VSIG4: variants seen among roughly 807,000 people sequenced by gnomAD.
The protein encoded by VSIG4 is V-set and immunoglobulin domain-containing protein 4.
Under a neutral mutation model 23.4 loss-of-function variants are expected in VSIG4, and 34 were observed. That is an observed-to-expected ratio of 1.45 (90% CI 1.10 to 1.93). The LOEUF (loss-of-function observed/expected upper bound fraction) is 1.93, where lower values mean the gene tolerates loss of function less well. Among genes scored for constraint, VSIG4 ranks in the 30% most tolerant of loss-of-function variants. The pLI, the probability that VSIG4 is intolerant of heterozygous loss-of-function variation, is 0.00. For synonymous variants in VSIG4, 169 were observed against 120.3 expected, an observed-to-expected ratio of 1.41 and a Z score of -2.65; for missense variants, 433 against 310.8, an observed-to-expected ratio of 1.39 and a Z score of -2.96.
intron 1 of VSIG4, among the ~76,000 whole-genome samples, chrX:66,039,080 C>T (rs1251921543): frequency 8.9e-6 from 1 of 111,951 alleles, no homozygotes; most frequent in African/African-American, 3.2e-5. Flanking sequence ...ATAGTCCATC[C>T]TCCTTTGGGA....
Position 66,032,656 on chromosome X carries a change from C to T in VSIG4, c.506G>A (p.Gly169Asp), listed in dbSNP as rs1450652276. ...MRISLQCQAR[G>D]SPPISYIWYK... ...CCAAATATAACTGATGGGAGGAGAA[C>T]CCCGAGCCTGGCATTGAAGGCTAAT... is the stretch of plus-strand genomic sequence containing the variant. The change falls in exon 3 of 8, where the codon GGT becomes GAT. Residue 169 changes from glycine to aspartate, a missense_variant. Transcript: ENST00000374737. 1.7e-6 allele frequency: 2 copies of T among 1,209,506 alleles called. No homozygotes were observed. Among genetic ancestry groups the T allele is most frequent in the African/African-American group, 3.5e-5 (2 of 57,031 alleles).
At chrX:66,030,572 T>C (rs958701840) in intron 3 of VSIG4, among the ~76,000 whole-genome samples, 2 of 109,771 alleles carry the variant, frequency 1.8e-5, no homozygotes, top group African/African-American at 3.3e-5. Flanking sequence ...CAAGAGGAAA[T>C]GGATAGGGAA....
intron 3 of VSIG4, among the ~76,000 whole-genome samples, chrX:66,028,923 G>GCATTTACA (rs2085429884): frequency 1.8e-5 from 2 of 111,373 alleles, no homozygotes; most frequent in African/African-American, 6.5e-5. Context: ...TGAGGCAATG[G>GCATTTACA]ATAATAGGCG....
At chrX:66,029,219 T>C (rs1017759215) in intron 3 of VSIG4, among the ~76,000 whole-genome samples, 2 of 111,946 alleles carry the variant, frequency 1.8e-5, no homozygotes, top group Non-Finnish European at 1.9e-5. Flanking sequence ...TGTTCTTTAG[T>C]TGGAAAGATC....
At chrX:66,038,524 TACACACACACAA>T (rs2085647416) in intron 1 of VSIG4, among the ~76,000 whole-genome samples, 1 of 108,526 alleles carries the variant, frequency 9.2e-6, no homozygotes, top group African/African-American at 3.4e-5. Context: ...CACACACACA[TACACACACACAA>T]ACAAAGGATT....
Position 66,032,769 on chromosome X carries a change from C to G in VSIG4, c.413-20G>C. On this transcript the variant is annotated intron_variant, in intron 2 of 7. Transcript: ENST00000374737. Reference sequence around the variant, plus strand: ...CAGAGACTGCAAAGAAAAGACAAGACAGGAAACTCTGGGCAGTCATAAGGA... The same window carrying G: ...CAGAGACTGCAAAGAAAAGACAAGAGAGGAAACTCTGGGCAGTCATAAGGA... 3 of 1,202,936 alleles carry G rather than the reference C, an allele frequency of 2.5e-6. No homozygotes were observed. The highest frequency in any genetic ancestry group is 3.4e-6 in the Non-Finnish European group (3 of 891,029).
At chrX:66,025,216 G>T in intron 5 of VSIG4, 87 bp from the exon 6 acceptor site, 1 of 627,935 alleles carries the variant, frequency 1.6e-6, no homozygotes, top group Non-Finnish European at 2.3e-6. Flanking sequence ...ACTAAGCCAG[G>T]CCTTTTTCTT....
Position 66,036,966 on chromosome X carries a change from A to T in VSIG4, c.55+2978T>A, listed in dbSNP as rs1464196044. Among the ~76,000 whole-genome samples the T allele has an allele frequency of 1.0e-3, 35 of 34,906 alleles. 2 individuals are homozygous for T. The highest frequency in any genetic ancestry group is 2.7e-3 in the African/African-American group (13 of 4,856). The allele number at this position is 34,906 out of a possible 115,157, so 30.3% of individuals were successfully genotyped here. On this transcript the variant is annotated intron_variant, in intron 1 of 7. Coordinates refer to ENST00000374737, the MANE Select transcript of VSIG4 (RefSeq NM_007268.3). ...TATGATATATTATATTATATTATAT[A>T]ATATATAATATAATATATCATATAA...
intron 6 of VSIG4, 43 bp from the exon 7 acceptor site, chrX:66,022,905 G>C: frequency 2.5e-6 from 3 of 1,179,490 alleles, no homozygotes; most frequent in African/African-American, 1.7e-5. Flanking sequence ...TTCATGGCAA[G>C]TGGACAAAGG....
chrX:66,023,398 C>T (rs1473928268), intron 6 of VSIG4, among the ~76,000 whole-genome samples: 1 of 112,011 alleles, frequency 8.9e-6, no homozygotes, highest in African/African-American at 3.3e-5. Context: ...CGTACAGGCT[C>T]AAAGGCTTAG....
chrX:66,025,517 T>A (rs2085380330), intron 5 of VSIG4, among the ~76,000 whole-genome samples: 1 of 112,504 alleles, frequency 8.9e-6, no homozygotes, highest in African/African-American at 3.2e-5. Flanking sequence ...GCCACAAAGA[T>A]TCTTCCCATC....
chrX:66,023,595 C>T (rs186398430), intron 6 of VSIG4, among the ~76,000 whole-genome samples: 24 of 112,522 alleles, frequency 2.1e-4, no homozygotes, highest in Non-Finnish European at 4.3e-4. Context: ...GCACCTGTAC[C>T]GCAAGGGTCG....
chrX:66,039,882 A>G, intron 1 of VSIG4, 62 bp downstream of exon 1: 1 of 1,183,065 alleles, frequency 8.5e-7, no homozygotes, highest in Non-Finnish European at 1.1e-6. Context: ...GACATTAAAC[A>G]CCAACCCTCT....
At chrX:66,038,483 A>T (rs113039212) in intron 1 of VSIG4, among the ~76,000 whole-genome samples, 278 of 60,563 alleles carry the variant, frequency 4.6e-3, no homozygotes, top group Admixed American at 0.011. Context: ...TCTCTCTCTC[A>T]CACACACACA....
chrX:66,034,043 T>A (rs1328141353), intron 1 of VSIG4, among the ~76,000 whole-genome samples: 1 of 111,933 alleles, frequency 8.9e-6, no homozygotes, highest in Non-Finnish European at 1.9e-5. Context: ...ATTGTTTAGA[T>A]CTTGTGAGTT....
chrX:66,028,558 CTTTTTTTT>C lies in VSIG4; in HGVS notation c.695-454_695-447del, dbSNP rs34660062. On this transcript the variant is annotated intron_variant, in intron 3 of 7. Transcript: ENST00000374737. ...ATAATGCAAAATTTGACGTAATCAA[CTTTTTTTT>C]TTTTTTTTTTTTTTTTTTAGAATTT... is the stretch of plus-strand genomic sequence containing the variant. Among the ~76,000 whole-genome samples, 121 of 74,241 alleles carry C rather than the reference CTTTTTTTT, an allele frequency of 1.6e-3. 1 individual carries two copies. Among genetic ancestry groups the C allele is most frequent in the Non-Finnish European group, 2.4e-3 (94 of 38,575 alleles). 64.5% of individuals were successfully genotyped at this position (74,241 alleles called of 115,157 possible).
intron 1 of VSIG4, 63 bp downstream of exon 1, chrX:66,039,881 C>A: frequency 8.5e-7 from 1 of 1,180,019 alleles, no homozygotes; most frequent in Middle Eastern, 2.3e-4. Context: ...AGACATTAAA[C>A]ACCAACCCTC....
chrX:66,038,306 T>C (rs977003471), intron 1 of VSIG4, among the ~76,000 whole-genome samples: 1 of 110,337 alleles, frequency 9.1e-6, no homozygotes, highest in Non-Finnish European at 1.9e-5. Flanking sequence ...ACTGTACAGA[T>C]GGGCTAGGAA....
chrX:66,038,528 C>A (rs183662116), intron 1 of VSIG4, among the ~76,000 whole-genome samples: 1 of 110,942 alleles, frequency 9.0e-6, no homozygotes, highest in East Asian at 2.8e-4. Context: ...CACACATACA[C>A]ACACACAAAC....
Sources: gnomAD v4.1 joint callset for allele counts (sites outside exome capture counted in the v4.1 genomes callset) on GRCh38, gnomAD v4.1.1 for gene constraint, MANE v1.5 for transcripts, NCBI Gene and HGNC (gene_info 2026-07-23, HGNC 2026-07-21) for gene names.